Variants in CDK1 observed in about 807,000 individuals in gnomAD.
The protein encoded by CDK1 is cyclin dependent kinase 1.
CDK1 carries 5 observed loss-of-function variants against 34.6 expected under a neutral mutation model. The observed-to-expected ratio is 0.14, with a 90% CI of 0.08 to 0.30. CDK1 has a LOEUF of 0.30. Ranked by LOEUF, CDK1 falls within the 10% of genes least tolerant of loss-of-function variation. CDK1 has a pLI of 1.00. For synonymous variants in CDK1, 108 were observed against 114.7 expected (o/e 0.94, Z 0.37); for missense variants, 157 against 345.7 (o/e 0.45, Z 4.33).
At position 60,792,173 on chromosome 10, in the gene CDK1, G is replaced by T; in HGVS notation, c.679G>T (p.Val227Leu). The change falls in exon 7 of 8, where the codon GTG (valine) becomes TTG (leucine). Residue 227 changes from valine (V) to leucine (L), a missense_variant. Coordinates refer to ENST00000395284, the MANE Select transcript of CDK1 (RefSeq NM_001786.5). Reference sequence around the variant, plus strand: ...AGCTTTGGGCACTCCCAATAATGAAGTGTGGCCAGAAGTGGAATCTTTACA... The same window carrying T: ...AGCTTTGGGCACTCCCAATAATGAATTGTGGCCAGAAGTGGAATCTTTACA... ...FRALGTPNNEVWPEVESLQDY... is the reference protein window; with the variant it reads ...FRALGTPNNELWPEVESLQDY... 2 of 1,610,592 alleles carry T rather than the reference G, an allele frequency of 1.2e-6. No individual in the cohort carries two copies. The highest frequency in any genetic ancestry group is 1.7e-6 in the Non-Finnish European group (2 of 1,178,796).
Position 60,792,266 on chromosome 10 carries a change from G to A in CDK1, c.772G>A (p.Glu258Lys). ...SLASHVKNLD[E>K]NGLDLLSKML... ...AGCATCCCATGTCAAAAACTTGGATGAAAATGGCTTGGATTTGCTCTCGGT... is the reference window on the plus strand; with the variant it reads ...AGCATCCCATGTCAAAAACTTGGATAAAAATGGCTTGGATTTGCTCTCGGT... The change falls in exon 7 of 8, where the codon GAA becomes AAA. Residue 258 changes from glutamate to lysine, a missense_variant. Transcript: ENST00000395284. 6.2e-7 allele frequency: 1 copy of A among 1,610,170 alleles called. No individual in the cohort carries two copies. The highest frequency in any genetic ancestry group is 8.5e-7 in the Non-Finnish European group (1 of 1,178,726).
intron 1 of CDK1, among the ~76,000 whole-genome samples, chr10:60,779,105 G>C (rs1423920787): frequency 6.6e-6 from 1 of 152,190 alleles, no homozygotes; most frequent in East Asian, 1.9e-4. Flanking sequence ...CACGGCCCCG[G>C]CCCACCTGGA....
At chr10:60,789,432 C>T (rs996678835) in intron 5 of CDK1, among the ~76,000 whole-genome samples, 19 of 152,126 alleles carry the variant, frequency 1.2e-4, no homozygotes, top group Non-Finnish European at 7.4e-5. Context: ...ACTCTATGGC[C>T]ATTAGATCAA....
intron 1 of CDK1, among the ~76,000 whole-genome samples, chr10:60,778,954 C>G (rs2080248111): frequency 6.6e-6 from 1 of 152,100 alleles, no homozygotes. Context: ...CTGGGCCCGG[C>G]CCCTGCGCGC....
At chr10:60,786,193 G>C (rs1350175231) in intron 4 of CDK1, 1 of 898,046 alleles carries the variant, frequency 1.1e-6, no homozygotes, top group Non-Finnish European at 1.3e-6. Flanking sequence ...TTATAAAATT[G>C]TATAGTTTTA....
intron 1 of CDK1, among the ~76,000 whole-genome samples, chr10:60,778,904 C>A (rs1027045454): frequency 6.6e-6 from 1 of 152,194 alleles, no homozygotes; most frequent in African/African-American, 2.4e-5. Flanking sequence ...GCAAAATCCG[C>A]TCCCCCACGC....
At chr10:60,792,782 G>A (rs1449299818) in intron 7 of CDK1, among the ~76,000 whole-genome samples, 1 of 152,040 alleles carries the variant, frequency 6.6e-6, no homozygotes, top group Non-Finnish European at 1.5e-5. Context: ...CTTTCAGAGT[G>A]TAAAGACTCC....
At chr10:60,793,021 A>T (rs1589115252) in intron 7 of CDK1, among the ~76,000 whole-genome samples, 1 of 152,056 alleles carries the variant, frequency 6.6e-6, no homozygotes, top group African/African-American at 2.4e-5. Context: ...GATATTGCCA[A>T]ATGTCTCCTG....
chr10:60,788,171 C>T lies in CDK1; in HGVS notation c.430C>T (p.Leu144=). The T allele has an allele frequency of 6.2e-7, 1 of 1,611,410 alleles. No individual in the cohort carries two copies. The highest frequency in any genetic ancestry group is 8.5e-7 in the Non-Finnish European group (1 of 1,178,344). ...GATTGATGACAAAGGAACAATTAAA[C>T]TGGCTGATTTTGGCCTTGCCAGAGC... The part of the protein sequence containing the change: ...LLIDDKGTIK[L]ADFGLARAFG... Residue 144 remains leucine, a synonymous_variant, in exon 5 of 8, where the codon CTG becomes TTG. Coordinates refer to ENST00000395284, the MANE Select transcript of CDK1 (RefSeq NM_001786.5).
rs2080380603 is a variant in CDK1, at chr10:60,794,090, T to C, written c.*115T>C. 1 of 554,766 alleles carries C rather than the reference T, an allele frequency of 1.8e-6. No individual in the cohort carries two copies. Among genetic ancestry groups the C allele is most frequent in the Non-Finnish European group, 3.2e-6 (1 of 311,482 alleles). The allele number at this position is 554,766 out of a possible 1,614,324, so 34.4% of individuals were successfully genotyped here. On this transcript the variant is annotated 3_prime_UTR_variant, in exon 8 of 8. Coordinates refer to ENST00000395284, the MANE Select transcript of CDK1 (RefSeq NM_001786.5). Reference sequence around the variant, plus strand: ...CTTTGTTATCAAACTTCAGCTGTACTTCGTCTTCTAATTTCAAAAATATAA... The same window carrying C: ...CTTTGTTATCAAACTTCAGCTGTACCTCGTCTTCTAATTTCAAAAATATAA...
rs2080385621 is a variant in CDK1 at position 60,794,612 on chromosome 10, G to C, written c.*637G>C. ...ATCAAGGGCTGTCCGCAACAGGGAA[G>C]AACAGTTTTGAAAATTTATGAACTA... On this transcript the variant is annotated 3_prime_UTR_variant, in exon 8 of 8. Transcript: ENST00000395284. The C allele has an allele frequency of 6.6e-6, 1 of 152,120 alleles. No individual in the cohort carries two copies. Among genetic ancestry groups the C allele is most frequent in the Admixed American group, 6.5e-5 (1 of 15,268 alleles). 9.4% of individuals were successfully genotyped at this position (152,120 alleles called of 1,614,324 possible).
At chr10:60,784,943 C>T in intron 3 of CDK1, 82 bp downstream of exon 3, 2 of 1,341,612 alleles carry the variant, frequency 1.5e-6, no homozygotes, top group Admixed American at 1.8e-5. Flanking sequence ...TTTACATTTG[C>T]TCAATTTCTT....
chr10:60,790,360 C>T (rs182708925), intron 5 of CDK1, among the ~76,000 whole-genome samples: 76 of 152,266 alleles, frequency 5.0e-4, no homozygotes, highest in South Asian at 3.3e-3. Flanking sequence ...CCTTCCACGT[C>T]AGCCTCCTGA....
intron 5 of CDK1, among the ~76,000 whole-genome samples, chr10:60,789,765 C>T (rs1735288301): frequency 6.6e-6 from 1 of 152,148 alleles, no homozygotes; most frequent in African/African-American, 2.4e-5. Context: ...CATATACCCC[C>T]AGCAGTGGGA....
rs1349944278 is a variant in CDK1 at position 60,789,114 on chromosome 10, A to G, written c.489+884A>G. ...TTAAATAATTTAAAAATCATTTTTT[A>G]TCGACGCATTATTATACATATTTAT... is the stretch of plus-strand genomic sequence containing the variant. On this transcript the variant is annotated intron_variant, in intron 5 of 7. Transcript: ENST00000395284. 7.2e-5 allele frequency among the ~76,000 whole-genome samples: 11 copies of G among 152,186 alleles called. No individual in the cohort carries two copies. The East Asian group carries it at 1.2e-3, about 16-fold the overall frequency.
rs944069457 is a variant in CDK1, at chr10:60,786,993, T to C, written c.319-1067T>C. The C allele has an allele frequency of 3.5e-5, 34 of 977,698 alleles. No individual in the cohort carries two copies. In the African/African-American group the frequency reaches 5.3e-4, roughly 15 times the overall value. The allele number at this position is 977,698 out of a possible 1,614,324, so 60.6% of individuals were successfully genotyped here. On this transcript the variant is annotated intron_variant, in intron 4 of 7. Transcript: ENST00000395284. The stretch of plus-strand genomic sequence containing the variant: ...AGTAAGTCCTGTCTTCCACACATAC[T>C]TTTTTTGTCTTAAATTCTGTATTAA...
intron 7 of CDK1, among the ~76,000 whole-genome samples, chr10:60,792,887 A>T (rs1231367039): frequency 6.6e-6 from 1 of 152,138 alleles, no homozygotes; most frequent in Non-Finnish European, 1.5e-5. Flanking sequence ...TGGAGTGGAT[A>T]AATCTTTGTT....
chr10:60,792,723 G>T (rs1169871507), intron 7 of CDK1, among the ~76,000 whole-genome samples: 1 of 152,026 alleles, frequency 6.6e-6, no homozygotes, highest in African/African-American at 2.4e-5. Context: ...CCATCAGAAG[G>T]ATCTATTGCT....
chr10:60,784,243 T>C (rs890250874), intron 2 of CDK1, among the ~76,000 whole-genome samples: 1 of 152,246 alleles, frequency 6.6e-6, no homozygotes, highest in African/African-American at 2.4e-5. Context: ...CAATTTCTTT[T>C]TGGAAGCAAT....
Sources: gnomAD v4.1 joint callset for allele counts (sites outside exome capture counted in the v4.1 genomes callset) on GRCh38, gnomAD v4.1.1 for gene constraint, MANE v1.5 for transcripts, NCBI Gene and HGNC (gene_info 2026-07-23, HGNC 2026-07-21) for gene names.